The following TAFA4 variants were observed in gnomAD, a reference collection of about 807,000 sequenced individuals.
TAFA4 encodes TAFA chemokine like family member 4.
In TAFA4, 20 loss-of-function variants were observed where a neutral mutation model predicts 21.1. That is an observed-to-expected ratio of 0.95 (90% confidence interval 0.67 to 1.38). The LOEUF is 1.38. Ranked by LOEUF, TAFA4 falls within the 40% of genes most tolerant of loss-of-function variation. The probability of loss-of-function intolerance (pLI) is 0.00; values close to 1 mark genes in which losing one functional copy is unlikely to be tolerated. For missense variants in TAFA4, 211 were observed against 180.9 expected, an observed-to-expected ratio of 1.17 and a Z score of -0.95; for synonymous variants, 71 against 67.4, an observed-to-expected ratio of 1.05 and a Z score of -0.26.
intron 3 of TAFA4, among the ~76,000 whole-genome samples, chr3:68,800,164 A>G (rs557183212): frequency 6.6e-6 from 1 of 152,294 alleles, no homozygotes; most frequent in African/African-American, 2.4e-5. Context: ...TGCACAATAA[A>G]TGTAATGCAC....
intron 3 of TAFA4, among the ~76,000 whole-genome samples, chr3:68,870,193 A>G (rs1397343151): frequency 1.3e-5 from 2 of 152,116 alleles, no homozygotes; most frequent in African/African-American, 4.8e-5. Context: ...GATGAAAGTC[A>G]ATGAAGAAGA....
chr3:68,783,713 AAAAGAAAG>A lies in TAFA4; in HGVS notation c.131-30703_131-30696del, dbSNP rs60548305. On this transcript the variant is annotated intron_variant, in intron 3 of 5. Transcript: ENST00000295569. ...AGAGAGAGAGAGAGAGAGAGAAAGA[AAAAGAAAG>A]AAAGAAAGAAAGAAAGAAAGAAAGT... Among the ~76,000 whole-genome samples the A allele has an allele frequency of 9.4e-3, 763 of 80,764 alleles. 15 individuals carry two copies. The highest frequency in any genetic ancestry group is 0.031 in the African/African-American group (566 of 18,502). 53.0% of individuals were successfully genotyped at this position (80,764 alleles called of 152,430 possible).
intron 4 of TAFA4, among the ~76,000 whole-genome samples, chr3:68,741,828 T>C (rs555913176): frequency 2.3e-3 from 351 of 152,174 alleles, no homozygotes; most frequent in African/African-American, 8.2e-3. Flanking sequence ...ACTCTCCACT[T>C]TCTCTTCCAA....
chr3:68,778,456 A>G (rs1703090232), intron 3 of TAFA4, among the ~76,000 whole-genome samples: 1 of 152,204 alleles, frequency 6.6e-6, no homozygotes, highest in South Asian at 2.1e-4. Flanking sequence ...ACAGTTGGAG[A>G]CTGATATGGT....
chr3:68,867,999 A>G (rs2089439337), intron 3 of TAFA4, among the ~76,000 whole-genome samples: 1 of 152,104 alleles, frequency 6.6e-6, no homozygotes, highest in Non-Finnish European at 1.5e-5. Flanking sequence ...TCCATATCCA[A>G]TAACAACCTT....
rs550466552 is a variant in TAFA4, at chr3:68,786,414, T to A, written c.131-33396A>T. Among the ~76,000 whole-genome samples, 8 of 152,286 alleles carry A rather than the reference T, an allele frequency of 5.3e-5. No homozygotes were observed. The East Asian group carries it at 1.4e-3, about 26-fold the overall frequency. On this transcript the variant is annotated intron_variant, in intron 3 of 5. Transcript: ENST00000295569. ...CCAAGAGTTTGAGGCTGCAGTGTGC[T>A]ACAATCACACCTATGAGTAAACACT...
chr3:68,890,948 T>C (rs1037735554), intron 1 of TAFA4, among the ~76,000 whole-genome samples: 4 of 152,206 alleles, frequency 2.6e-5, no homozygotes, highest in African/African-American at 9.6e-5. Flanking sequence ...TCTGAAAAGC[T>C]AGTGAAAAAC....
intron 1 of TAFA4, among the ~76,000 whole-genome samples, chr3:68,917,958 A>G (rs2090021181): frequency 6.6e-6 from 1 of 152,214 alleles, no homozygotes; most frequent in East Asian, 1.9e-4. Flanking sequence ...CGTTTATACA[A>G]TGAGCTGTAG....
rs75400786 is a variant in TAFA4, at chr3:68,891,270, G to A, written c.-122-5960C>T. On this transcript the variant is annotated intron_variant, in intron 1 of 5. Coordinates refer to ENST00000295569, the MANE Select transcript of TAFA4 (RefSeq NM_182522.5). ...CTCAAACTCATCTCCTAACACATTT[G>A]AATTCAAAAGCATTTTTGCAAAAGT... 4.8e-3 allele frequency among the ~76,000 whole-genome samples: 731 copies of A among 152,224 alleles called. 5 individuals carry two copies. The highest frequency in any genetic ancestry group is 0.044 in the East Asian group (228 of 5,182).
intron 3 of TAFA4, among the ~76,000 whole-genome samples, chr3:68,785,793 G>A (rs965281000): frequency 3.9e-5 from 6 of 152,148 alleles, no homozygotes; most frequent in South Asian, 2.1e-4. Flanking sequence ...GAGAGTGAGC[G>A]AGAGTGAGCG....
At chr3:68,756,605 G>T (rs935931589) in intron 3 of TAFA4, among the ~76,000 whole-genome samples, 2 of 152,092 alleles carry the variant, frequency 1.3e-5, no homozygotes, top group African/African-American at 4.8e-5. Flanking sequence ...CTTCAACGTC[G>T]ATGGCAAGAA....
chr3:68,785,677 A>ACGGCTC (rs954410867), intron 3 of TAFA4, among the ~76,000 whole-genome samples: 23 of 152,230 alleles, frequency 1.5e-4, no homozygotes, highest in African/African-American at 5.5e-4. Context: ...GCTGAGGGAG[A>ACGGCTC]CGGCTCCGGC....
At position 68,880,784 on chromosome 3, in the gene TAFA4, T is replaced by C; in HGVS notation, c.76A>G (p.Met26Val). 2 of 1,613,888 alleles carry C rather than the reference T, an allele frequency of 1.2e-6. No homozygotes were observed. The highest frequency in any genetic ancestry group is 1.7e-6 in the Non-Finnish European group (2 of 1,179,946). ...GCGGACATCAGCTTACAGCACACCA[T>C]TAACACGTAGGCTAGAAAGAGCCAG... ...SHWLFLAYVL[M>V]VCCKLMSASS... Residue 26 changes from methionine to valine, a missense_variant, in exon 3 of 6, where the codon ATG (methionine) becomes GTG (valine). Physicochemically the swap from Met to Val is conservative, Grantham distance 21 (BLOSUM62 1). Coordinates refer to ENST00000295569, the MANE Select transcript of TAFA4 (RefSeq NM_182522.5).
intron 1 of TAFA4, among the ~76,000 whole-genome samples, chr3:68,916,924 G>C (rs2107014734): frequency 6.6e-6 from 1 of 152,238 alleles, no homozygotes; most frequent in East Asian, 1.9e-4. Context: ...ATCTCCTATG[G>C]CTACCCTGGT....
intron 5 of TAFA4, among the ~76,000 whole-genome samples, chr3:68,734,755 T>C (rs1702209575): frequency 1.3e-5 from 2 of 152,002 alleles, no homozygotes; most frequent in South Asian, 4.1e-4. Flanking sequence ...AAAGAGTAAA[T>C]AAAATATGTG....
intron 3 of TAFA4, among the ~76,000 whole-genome samples, chr3:68,794,556 T>C (rs1028310373): frequency 6.6e-6 from 1 of 152,148 alleles, no homozygotes; most frequent in Non-Finnish European, 1.5e-5. Flanking sequence ...TTCATATCGT[T>C]TCTATTTTCT....
chr3:68,838,078 G>C (rs908743611), intron 3 of TAFA4, among the ~76,000 whole-genome samples: 1 of 151,992 alleles, frequency 6.6e-6, no homozygotes, highest in East Asian at 1.9e-4. Flanking sequence ...AATAACTATA[G>C]TCACTGTATG....
chr3:68,753,221 G>C (rs1030958180), intron 3 of TAFA4, among the ~76,000 whole-genome samples: 1 of 152,042 alleles, frequency 6.6e-6, no homozygotes, highest in African/African-American at 2.4e-5. Context: ...GTGAACCTGT[G>C]GTAGGCAGAA....
chr3:68,748,685 C>T (rs768986655), intron 4 of TAFA4, among the ~76,000 whole-genome samples: 35 of 149,940 alleles, frequency 2.3e-4, no homozygotes, highest in Non-Finnish European at 1.9e-4. Flanking sequence ...CAGAGGTTGC[C>T]GTGAGCAGAG....
Sources: gnomAD v4.1 joint callset for allele counts (sites outside exome capture counted in the v4.1 genomes callset) on GRCh38, gnomAD v4.1.1 for gene constraint, MANE v1.5 for transcripts, NCBI Gene and HGNC (gene_info 2026-07-23, HGNC 2026-07-21) for gene names.